The following ARMC3 variants were observed in gnomAD, a reference collection of about 807,000 sequenced individuals.
The protein encoded by ARMC3 is armadillo repeat-containing protein 3.
A neutral mutation model predicts 90.3 loss-of-function variants in ARMC3; 74 were observed. The observed-to-expected ratio is 0.82, with a 90% CI of 0.68 to 0.99. The LOEUF (loss-of-function observed/expected upper bound fraction) is 0.99. ARMC3 is among the 50% of genes least tolerant of loss of function. The probability of loss-of-function intolerance (pLI) is 0.00; values close to 1 mark genes in which losing one functional copy is unlikely to be tolerated. For missense variants in ARMC3, 958 were observed against 1,042.8 expected (o/e 0.92, Z 1.12); for synonymous variants, 334 against 361.8 (o/e 0.92, Z 0.87).
chr10:22,954,723 C>T (rs924760192), intron 3 of ARMC3, among the ~76,000 whole-genome samples: 1 of 151,358 alleles, frequency 6.6e-6, no homozygotes, highest in African/African-American at 2.4e-5. Context: ...GTAGAGTTCC[C>T]ATAAACACCC....
intron 16 of ARMC3, chr10:23,014,159 C>T: frequency 6.5e-7 from 1 of 1,536,594 alleles, no homozygotes; most frequent in Non-Finnish European, 8.7e-7. Context: ...GGATTGTTGG[C>T]ATGAGGAGAA....
chr10:23,016,404 G>A (rs1034098690), intron 16 of ARMC3, among the ~76,000 whole-genome samples: 5 of 152,258 alleles, frequency 3.3e-5, no homozygotes, highest in African/African-American at 1.2e-4. Context: ...ATGTTTACCT[G>A]CTCTCCTTTT....
chr10:22,944,030 C>G (rs879894470), intron 2 of ARMC3, among the ~76,000 whole-genome samples: 8 of 152,098 alleles, frequency 5.3e-5, no homozygotes, highest in African/African-American at 9.7e-5. Flanking sequence ...TGATCCACCA[C>G]AGTTGTTTTT....
At chr10:22,962,677 T>C (rs1484968833) in intron 7 of ARMC3, among the ~76,000 whole-genome samples, 2 of 152,214 alleles carry the variant, frequency 1.3e-5, no homozygotes, top group Non-Finnish European at 2.9e-5. Flanking sequence ...TTAATTCTAA[T>C]AACAGAAATC....
At chr10:22,982,366 C>T (rs1045214681) in intron 10 of ARMC3, among the ~76,000 whole-genome samples, 2 of 152,110 alleles carry the variant, frequency 1.3e-5, no homozygotes, top group Admixed American at 6.5e-5. Flanking sequence ...TGCAACAGAG[C>T]GAGGCTCCGC....
intron 13 of ARMC3, among the ~76,000 whole-genome samples, chr10:23,004,180 C>G (rs190981565): frequency 6.6e-6 from 1 of 151,426 alleles, no homozygotes; most frequent in African/African-American, 2.4e-5. Flanking sequence ...ATCTGTATTA[C>G]ATGAATGTTG....
At chr10:22,935,893 T>C (rs1207053196) in intron 2 of ARMC3, among the ~76,000 whole-genome samples, 1 of 152,224 alleles carries the variant, frequency 6.6e-6, no homozygotes, top group Non-Finnish European at 1.5e-5. Flanking sequence ...AGATGAATGC[T>C]GTCTACCTCC....
chr10:22,988,474 C>A (rs1214601662), intron 10 of ARMC3, among the ~76,000 whole-genome samples: 1 of 152,158 alleles, frequency 6.6e-6, no homozygotes, highest in Non-Finnish European at 1.5e-5. Flanking sequence ...TGAAAAATTT[C>A]TCTCCCATTC....
At chr10:22,978,852 CATAAGA>C (rs1309187196) in intron 8 of ARMC3, among the ~76,000 whole-genome samples, 2 of 151,572 alleles carry the variant, frequency 1.3e-5, no homozygotes, top group Non-Finnish European at 2.9e-5. Context: ...TTTCCATCAT[CATAAGA>C]ATATTTTTTT....
At position 23,016,733 on chromosome 10, in the gene ARMC3, G is replaced by A. The variant is rs540948451; in HGVS notation, c.2045+7802G>A. Among the ~76,000 whole-genome samples the A allele has an allele frequency of 2.0e-3, 310 of 152,244 alleles. 3 individuals are homozygous for A. The highest frequency in any genetic ancestry group is 2.6e-3 in the Non-Finnish European group (179 of 68,012). On this transcript the variant is annotated intron_variant, in intron 16 of 18. Transcript: ENST00000298032. ...AAGAAACTACAGTTCAGGAGTTCCC[G>A]GAAATTCTCTCTTTTTAATCATTCA...
At chr10:23,013,253 T>G (rs780095611) in intron 16 of ARMC3, among the ~76,000 whole-genome samples, 6 of 152,020 alleles carry the variant, frequency 3.9e-5, no homozygotes, top group Non-Finnish European at 8.8e-5. Flanking sequence ...TAAAACAAAG[T>G]TCCCTCTCAT....
At chr10:22,967,891 G>A (rs1252645248) in intron 7 of ARMC3, among the ~76,000 whole-genome samples, 1 of 152,146 alleles carries the variant, frequency 6.6e-6, no homozygotes, top group Non-Finnish European at 1.5e-5. Context: ...ATTTCCTCAG[G>A]CAAGACGGCC....
At chr10:22,928,516 A>G (rs528091701) in intron 1 of ARMC3, among the ~76,000 whole-genome samples, 1 of 144,912 alleles carries the variant, frequency 6.9e-6, no homozygotes, top group South Asian at 2.3e-4. Context: ...TCAACTCGTG[A>G]AAAAAAAAAT....
intron 10 of ARMC3, 24 bp from the exon 11 acceptor site, chr10:22,998,124 T>G (rs1361463852): frequency 6.2e-7 from 1 of 1,607,770 alleles, no homozygotes; most frequent in Admixed American, 1.7e-5. Context: ...ATGAATCACA[T>G]TCATTTCTCT....
At chr10:23,017,540 G>T (rs1483953166) in intron 16 of ARMC3, among the ~76,000 whole-genome samples, 1 of 152,178 alleles carries the variant, frequency 6.6e-6, no homozygotes, top group Non-Finnish European at 1.5e-5. Flanking sequence ...CGAGATGGGC[G>T]GATCACTTGA....
intron 13 of ARMC3, 198 bp from the exon 14 acceptor site, chr10:23,006,686 T>C (rs1837629344): frequency 1.9e-6 from 1 of 529,212 alleles, no homozygotes; most frequent in Non-Finnish European, 3.4e-6. Flanking sequence ...AGGAACTGGA[T>C]CTGTCCTGCC....
chr10:22,929,282 G>A (rs567218680), intron 1 of ARMC3, among the ~76,000 whole-genome samples: 78 of 147,628 alleles, frequency 5.3e-4, no homozygotes, highest in African/African-American at 1.9e-3. Context: ...GAGAGAGAGA[G>A]AAAGAGAGAG....
rs56405413 is a variant in ARMC3, at chr10:22,973,753, C to CTTT, written c.916+5285_916+5287dup. On this transcript the variant is annotated intron_variant, in intron 8 of 18. Transcript: ENST00000298032. ...CTCTTGTAATTTTTTCTTTGTCTTTCTTTTTTTTTTTTTTTTTTTTTTTGA... is the reference window on the plus strand; with the variant it reads ...CTCTTGTAATTTTTTCTTTGTCTTTCTTTTTTTTTTTTTTTTTTTTTTTTTTGA... Among the ~76,000 whole-genome samples, 578 of 79,926 alleles carry CTTT rather than the reference C, an allele frequency of 7.2e-3. 32 individuals are homozygous for CTTT. Among genetic ancestry groups the CTTT allele is most frequent in the African/African-American group, 0.015 (272 of 17,724 alleles). The allele number at this position is 79,926 out of a possible 152,430, so 52.4% of individuals were successfully genotyped here.
chr10:23,006,615 C>G (rs1034050702), intron 13 of ARMC3: 1 of 368,232 alleles, frequency 2.7e-6, no homozygotes. Context: ...CCAAATACTT[C>G]CAGGGGCCAA....
Sources: allele counts gnomAD v4.1 joint callset (sites outside exome capture counted in the v4.1 genomes callset), GRCh38; gene constraint gnomAD v4.1.1; transcripts MANE v1.5; gene names NCBI Gene and HGNC (gene_info 2026-07-23, HGNC 2026-07-21).